Variants in DNAJB12 observed in about 807,000 individuals in gnomAD.
DNAJB12 encodes the protein dnaJ homolog subfamily B member 12.
In DNAJB12, 14 loss-of-function variants were observed where a neutral mutation model predicts 40.6. The observed-to-expected ratio is 0.34, with a 90% confidence interval of 0.23 to 0.54. DNAJB12 has a LOEUF of 0.54. Among genes scored for constraint, DNAJB12 ranks in the 20% least tolerant of loss-of-function variants. DNAJB12 has a pLI of 0.92. For missense variants in DNAJB12, 444 were observed against 501.7 expected (o/e 0.89, Z 1.10); for synonymous variants, 181 against 199.5 (o/e 0.91, Z 0.78).
At chr10:72,352,233 T>C (rs764043538) in intron 1 of DNAJB12, among the ~76,000 whole-genome samples, 1 of 152,240 alleles carries the variant, frequency 6.6e-6, no homozygotes, top group Non-Finnish European at 1.5e-5. Context: ...TATCTTGGCC[T>C]GGTAGAAAAG....
chr10:72,354,560 G>A (rs1389488795), intron 1 of DNAJB12, among the ~76,000 whole-genome samples: 2 of 152,178 alleles, frequency 1.3e-5, no homozygotes, highest in Non-Finnish European at 2.9e-5. Context: ...TGAAGTCCCG[G>A]CCGCCCGAGT....
rs370401204 is a variant in DNAJB12, at chr10:72,349,672, C to T, written c.134-4545G>A. Among the ~76,000 whole-genome samples, 138 of 152,284 alleles carry T rather than the reference C, an allele frequency of 9.1e-4. 3 individuals carry two copies. The South Asian group carries it at 0.028, about 31-fold the overall frequency. On this transcript the variant is annotated intron_variant, in intron 1 of 8. Transcript: ENST00000444643. ...CAACTACCAGAGATGAGCAGGAGCA[C>T]TAGCCAGGAGATGGGACAGGCTCTC...
chr10:72,335,091 G>A lies in DNAJB12; in HGVS notation c.*31-474C>T. The A allele has an allele frequency of 1.0e-6, 1 of 991,926 alleles. No homozygotes were observed. The highest frequency in any genetic ancestry group is 1.2e-6 in the Non-Finnish European group (1 of 833,720). The allele number at this position is 991,926 out of a possible 1,614,324, so 61.4% of individuals were successfully genotyped here. On this transcript the variant is annotated intron_variant, in intron 8 of 8. Coordinates refer to ENST00000444643, the MANE Select transcript of DNAJB12 (RefSeq NM_017626.7). The surrounding 1 kb of genome is among the most constrained non-coding windows in gnomAD (Gnocchi z 4.4). ...CTTCTGTTCCCTTCCTCAGACCGCAGGCGAGATGCCTGGGCAAGGCCGGAT... is the reference window on the plus strand; with the variant it reads ...CTTCTGTTCCCTTCCTCAGACCGCAAGCGAGATGCCTGGGCAAGGCCGGAT...
chr10:72,341,214 C>A, intron 3 of DNAJB12, 44 bp from the exon 4 acceptor site: 1 of 1,563,868 alleles, frequency 6.4e-7, no homozygotes, highest in Non-Finnish European at 8.7e-7. Flanking sequence ...TCCTGGGGTG[C>A]GGGGGGAGGC....
In DNAJB12 at chr10:72,343,502, T is replaced by C. The variant is rs1306723776; in HGVS notation, c.321A>G (p.Gln107=). 3 of 1,613,992 alleles carry C rather than the reference T, an allele frequency of 1.9e-6. No homozygotes were observed. In the African/African-American group the frequency reaches 4.0e-5, roughly 22 times the overall value. ...CCAGGATCTCATAGTAATCTTTACA[T>C]TGCTTGACCCTGGGGAAGGAGGAGA... ...EQVAAVKRVK[Q]CKDYYEILGV... Residue 107 remains glutamine (Q), a synonymous_variant, in exon 3 of 9, where the codon CAA becomes CAG. Transcript: ENST00000444643.
At position 72,340,852 on chromosome 10, in the gene DNAJB12, G is replaced by A; in HGVS notation, c.660C>T (p.Tyr220=). Residue 220 remains tyrosine, a synonymous_variant, in exon 5 of 9, where the codon TAC becomes TAT. Coordinates refer to ENST00000444643, the MANE Select transcript of DNAJB12 (RefSeq NM_017626.7). ...AGGTATAGCGCATGCGGCCGTTGCT[G>A]TAGACGTGGACGTTACCTGGGGGTC... ...GGFPSSNVHV[Y]SNGRMRYTYQ... 6.2e-7 allele frequency: 1 copy of A among 1,614,122 alleles called. No individual in the cohort carries two copies. The highest frequency in any genetic ancestry group is 8.5e-7 in the Non-Finnish European group (1 of 1,179,980).
Position 72,335,625 on chromosome 10 carries a change from C to G in DNAJB12, c.*30+155G>C. On this transcript the variant is annotated intron_variant, in intron 8 of 8. Transcript: ENST00000444643. The surrounding 1 kb of genome is among the most constrained non-coding windows in gnomAD (Gnocchi z 4.4). ...GACCTTGGTTTCCCAGCAGGCCCCA[C>G]AGCTGCTCGGTCTCTGGAGGCTGGA... 2.1e-6 allele frequency: 3 copies of G among 1,415,332 alleles called. No individual in the cohort carries two copies. The highest frequency in any genetic ancestry group is 2.8e-6 in the Non-Finnish European group (3 of 1,086,548). The allele number at this position is 1,415,332 out of a possible 1,614,324, so 87.7% of individuals were successfully genotyped here.
At chr10:72,350,398 CAAAAAAAAA>C (rs35316232) in intron 1 of DNAJB12, among the ~76,000 whole-genome samples, 6 of 27,822 alleles carry the variant, frequency 2.2e-4, no homozygotes, top group East Asian at 2.5e-3. Context: ...GACCCTGTCT[CAAAAAAAAA>C]AAAAAAAAAA....
At position 72,333,169 on chromosome 10, in the gene DNAJB12, G is replaced by A. The variant is rs946377004; in HGVS notation, c.*1479C>T. On this transcript the variant is annotated 3_prime_UTR_variant, in exon 9 of 9. Transcript: ENST00000444643. The stretch of plus-strand genomic sequence containing the variant: ...ATTTGTTGGGGGACTTTTAAAAAAA[G>A]AGCCGAGAGAAACTCTGGGAGGGTG... 7.2e-5 allele frequency: 11 copies of A among 152,140 alleles called. No homozygotes were observed. The highest frequency in any genetic ancestry group is 2.7e-4 in the African/African-American group (11 of 41,426). 9.4% of individuals were successfully genotyped at this position (152,140 alleles called of 1,614,324 possible).
chr10:72,336,068 G>T, intron 7 of DNAJB12, 137 bp from the exon 8 acceptor site: 2 of 1,065,034 alleles, frequency 1.9e-6, no homozygotes, highest in Non-Finnish European at 1.4e-6. Context: ...CCATTAGGAA[G>T]ACCATGGAGG....
intron 1 of DNAJB12, 94 bp downstream of exon 1, chr10:72,354,670 AC>A: frequency 8.7e-7 from 1 of 1,153,584 alleles, no homozygotes; most frequent in Non-Finnish European, 1.2e-6. Flanking sequence ...GCGCCTCGCC[AC>A]CCCTCCCCCT....
At chr10:72,350,470 A>G (rs1190136654) in intron 1 of DNAJB12, among the ~76,000 whole-genome samples, 1 of 151,612 alleles carries the variant, frequency 6.6e-6, no homozygotes, top group Non-Finnish European at 1.5e-5. Context: ...ATTTGCTAGA[A>G]GGGTCATCTT....
At position 72,340,846 on chromosome 10, in the gene DNAJB12, G is replaced by A. The variant is rs376733599; in HGVS notation, c.666C>T (p.Asn222=). ...FPSSNVHVYS[N]GRMRYTYQQR... ...GCTGGTAGGTATAGCGCATGCGGCC[G>A]TTGCTGTAGACGTGGACGTTACCTG... Residue 222 remains asparagine (N), a synonymous_variant, in exon 5 of 9, where the codon AAC becomes AAT. Coordinates refer to ENST00000444643, the MANE Select transcript of DNAJB12 (RefSeq NM_017626.7). 40 of 1,614,016 alleles carry A rather than the reference G, an allele frequency of 2.5e-5. No homozygotes were observed. The highest frequency in any genetic ancestry group is 3.3e-5 in the Non-Finnish European group (39 of 1,179,988).
At chr10:72,343,245 T>C in intron 3 of DNAJB12, 121 bp downstream of exon 3, 3 of 1,302,818 alleles carry the variant, frequency 2.3e-6, no homozygotes, top group Non-Finnish European at 3.2e-6. Context: ...CCTGGGCAAC[T>C]TGGGCCCAAG....
chr10:72,338,269 G>A lies in DNAJB12; in HGVS notation c.766C>T (p.Leu256=). 6.2e-7 allele frequency: 1 copy of A among 1,614,066 alleles called. No individual in the cohort carries two copies. The highest frequency in any genetic ancestry group is 8.5e-7 in the Non-Finnish European group (1 of 1,179,988). ...TGGCTGAGAGCTGACACGAGAATCAGGATGAGGATAGGCATCAGCTGCACA... is the reference window on the plus strand; with the variant it reads ...TGGCTGAGAGCTGACACGAGAATCAAGATGAGGATAGGCATCAGCTGCACA... ...VFVQLMPILI[L]ILVSALSQLM... is the part of the protein sequence containing the mutation. Residue 256 remains leucine, a synonymous_variant, in exon 6 of 9, where the codon CTG becomes TTG. Coordinates refer to ENST00000444643, the MANE Select transcript of DNAJB12 (RefSeq NM_017626.7).
At chr10:72,337,084 T>G (rs533794740) in intron 6 of DNAJB12, among the ~76,000 whole-genome samples, 2 of 152,220 alleles carry the variant, frequency 1.3e-5, no homozygotes, top group South Asian at 4.1e-4. Flanking sequence ...GAGTTCCCAG[T>G]GTAGGGTTAA....
intron 1 of DNAJB12, among the ~76,000 whole-genome samples, chr10:72,349,528 G>A (rs1861882383): frequency 6.6e-6 from 1 of 152,210 alleles, no homozygotes. Context: ...GCAGGAGGAG[G>A]AGGCAGTATG....
chr10:72,335,205 C>T lies in DNAJB12; in HGVS notation c.*30+575G>A. The T allele has an allele frequency of 2.0e-6, 2 of 986,864 alleles. No homozygotes were observed. The highest frequency in any genetic ancestry group is 2.4e-6 in the Non-Finnish European group (2 of 830,530). The allele number at this position is 986,864 out of a possible 1,614,324, so 61.1% of individuals were successfully genotyped here. A position where few individuals can be genotyped will look rare whatever the true frequency, so the allele number is the denominator to read the frequency against. ...GGGGGGTGGTCAGGGCCCGCGGCCC[C>T]TGCCGCCACCAAGACTGCCAGCTCC... On this transcript the variant is annotated intron_variant, in intron 8 of 8. Transcript: ENST00000444643. The surrounding 1 kb of genome is among the most constrained non-coding windows in gnomAD (Gnocchi z 4.4).
intron 5 of DNAJB12, among the ~76,000 whole-genome samples, chr10:72,339,955 C>T (rs1026796411): frequency 6.6e-6 from 1 of 151,136 alleles, no homozygotes; most frequent in African/African-American, 2.4e-5. Flanking sequence ...AGGTGATCTA[C>T]CCACCTTGGC....
Sources: allele counts gnomAD v4.1 joint callset (sites outside exome capture counted in the v4.1 genomes callset), GRCh38; gene constraint gnomAD v4.1.1; non-coding constraint Gnocchi (gnomAD v3.1); transcripts MANE v1.5; gene names NCBI Gene and HGNC (gene_info 2026-07-23, HGNC 2026-07-21).